Variants in CADM2 observed in about 807,000 individuals in gnomAD.
The protein encoded by CADM2 is cell adhesion molecule 2, also known as immunoglobulin superfamily member 4D.
Under a neutral mutation model 49.8 loss-of-function variants are expected in CADM2, and 12 were observed. That is an observed-to-expected ratio of 0.24 (90% confidence interval 0.15 to 0.39). The LOEUF is 0.39. Among genes scored for constraint, CADM2 ranks in the 10% least tolerant of loss-of-function variants. The pLI, the probability that CADM2 is intolerant of heterozygous loss-of-function variation, is 1.00. For synonymous variants in CADM2, 214 were observed against 175.4 expected (o/e 1.22, Z -1.74); for missense variants, 378 against 492.3 (o/e 0.77, Z 2.20).
At chr3:85,722,073 C>A (rs1343827511) in intron 1 of CADM2, among the ~76,000 whole-genome samples, 1 of 152,194 alleles carries the variant, frequency 6.6e-6, no homozygotes, top group Admixed American at 6.5e-5. Flanking sequence ...TAGCTCCTTT[C>A]TGCAGCTCGT....
At chr3:85,702,280 T>C (rs1021813689) in intron 1 of CADM2, among the ~76,000 whole-genome samples, 13 of 152,226 alleles carry the variant, frequency 8.5e-5, no homozygotes, top group African/African-American at 1.2e-4. Context: ...AGGCAGTTGA[T>C]TTACCCTTGG....
At chr3:84,959,744 A>C (rs1168961741) in intron 1 of CADM2, 76 bp downstream of exon 1, 199 of 1,256,772 alleles carry the variant, frequency 1.6e-4, no homozygotes, top group African/African-American at 8.2e-4. Context: ...CCATATTTCC[A>C]CTCTCCCCTC....
At chr3:85,856,037 C>T (rs2075306372) in intron 3 of CADM2, among the ~76,000 whole-genome samples, 1 of 152,166 alleles carries the variant, frequency 6.6e-6, no homozygotes, top group South Asian at 2.1e-4. Context: ...TGACCCTCTT[C>T]TACATTTCTT....
chr3:85,757,071 C>G lies in CADM2; in HGVS notation c.88+30523C>G, dbSNP rs972994811. On this transcript the variant is annotated intron_variant, in intron 2 of 9. Transcript: ENST00000383699. ...GTTGATGAATATTGGCTGTTTATGG[C>G]TTTATAAAATAATATTGGCTGTTTA... Among the ~76,000 whole-genome samples, 6 of 152,100 alleles carry G rather than the reference C, an allele frequency of 3.9e-5. No individual in the cohort carries two copies. In the East Asian group the frequency reaches 1.2e-3, roughly 29 times the overall value.
intron 1 of CADM2, among the ~76,000 whole-genome samples, chr3:85,006,596 A>G (rs2033741744): frequency 6.6e-6 from 1 of 152,138 alleles, no homozygotes; most frequent in Admixed American, 6.5e-5. Flanking sequence ...AAACATGGTC[A>G]AGGATAAAAA....
At chr3:86,039,937 G>C (rs1485315892) in intron 8 of CADM2, among the ~76,000 whole-genome samples, 3 of 152,116 alleles carry the variant, frequency 2.0e-5, no homozygotes, top group Non-Finnish European at 4.4e-5. Flanking sequence ...ATATCCGCTG[G>C]TCTGCAGCCT....
At chr3:85,198,843 CA>C (rs2041412791) in intron 1 of CADM2, among the ~76,000 whole-genome samples, 1 of 151,776 alleles carries the variant, frequency 6.6e-6, no homozygotes, top group South Asian at 2.1e-4. Flanking sequence ...GGTGTATTTC[CA>C]TATTAAAGAC....
chr3:85,262,657 G>C (rs2043037654), intron 1 of CADM2, among the ~76,000 whole-genome samples: 1 of 152,104 alleles, frequency 6.6e-6, no homozygotes, highest in Admixed American at 6.6e-5. Flanking sequence ...AACTCAGAGA[G>C]TGAAATAACT....
chr3:85,069,424 T>G (rs2036642251), intron 1 of CADM2, among the ~76,000 whole-genome samples: 1 of 152,140 alleles, frequency 6.6e-6, no homozygotes, highest in Non-Finnish European at 1.5e-5. Flanking sequence ...GCATGTGTAA[T>G]CAAAAAATAA....
At chr3:85,747,053 T>A (rs2068648150) in intron 2 of CADM2, among the ~76,000 whole-genome samples, 1 of 152,120 alleles carries the variant, frequency 6.6e-6, no homozygotes, top group South Asian at 2.1e-4. Flanking sequence ...AAAGCAGATC[T>A]GGAAATATAA....
intron 1 of CADM2, among the ~76,000 whole-genome samples, chr3:85,079,554 C>G (rs1441148344): frequency 2.6e-5 from 4 of 151,612 alleles, no homozygotes; most frequent in Admixed American, 6.6e-5. Context: ...AAAGTGGAAA[C>G]AGAAACATAG....
intron 1 of CADM2, among the ~76,000 whole-genome samples, chr3:85,137,284 A>G (rs1381950793): frequency 6.6e-6 from 1 of 152,014 alleles, no homozygotes; most frequent in Non-Finnish European, 1.5e-5. Flanking sequence ...ACTTTATTTT[A>G]TAAGACTTTG....
At chr3:85,982,274 T>C (rs1213556106) in intron 8 of CADM2, among the ~76,000 whole-genome samples, 1 of 151,608 alleles carries the variant, frequency 6.6e-6, no homozygotes, top group African/African-American at 2.4e-5. Context: ...ACACCATGGA[T>C]GCTTAAAGTG....
chr3:85,006,192 T>C (rs535955961), intron 1 of CADM2, among the ~76,000 whole-genome samples: 1 of 152,198 alleles, frequency 6.6e-6, no homozygotes, highest in Admixed American at 6.5e-5. Flanking sequence ...AACTTAGAGC[T>C]GACTCTGAGC....
At chr3:86,055,481 G>GGGGTT (rs1737838436) in intron 8 of CADM2, among the ~76,000 whole-genome samples, 1 of 121,044 alleles carries the variant, frequency 8.3e-6, no homozygotes. Flanking sequence ...TTTTTTTTTG[G>GGGGTT]TTTTAGAGGG....
At chr3:85,824,677 CA>C (rs994670809) in intron 3 of CADM2, among the ~76,000 whole-genome samples, 9 of 151,962 alleles carry the variant, frequency 5.9e-5, no homozygotes, top group African/African-American at 2.2e-4. Context: ...AAATTGCCCC[CA>C]AGCATGAGAA....
chr3:84,969,629 G>A (rs2031272600), intron 1 of CADM2, among the ~76,000 whole-genome samples: 2 of 151,480 alleles, frequency 1.3e-5, no homozygotes, highest in Non-Finnish European at 3.0e-5. Context: ...CTGCCAAAAT[G>A]CCAATACAGT....
intron 1 of CADM2, among the ~76,000 whole-genome samples, chr3:85,099,053 A>G (rs949033788): frequency 5.9e-5 from 9 of 152,214 alleles, no homozygotes; most frequent in Non-Finnish European, 1.2e-4. Context: ...AAACTCAGAA[A>G]GAACTTTGCT....
intron 8 of CADM2, among the ~76,000 whole-genome samples, chr3:86,059,023 G>A (rs1169534454): frequency 6.6e-6 from 1 of 151,326 alleles, no homozygotes; most frequent in Non-Finnish European, 1.5e-5. Flanking sequence ...GAACCCAGGA[G>A]GCGGAGGTTG....
Sources: allele counts gnomAD v4.1 joint callset (sites outside exome capture counted in the v4.1 genomes callset), GRCh38; gene constraint gnomAD v4.1.1; transcripts MANE v1.5; gene names NCBI Gene and HGNC (gene_info 2026-07-23, HGNC 2026-07-21).